Variants in SLC10A7 observed in about 807,000 individuals in gnomAD.
SLC10A7 encodes the protein solute carrier family 10 member 7, also known as sodium/bile acid cotransporter 7.
A neutral mutation model predicts 43.2 loss-of-function variants in SLC10A7; 29 were observed. The ratio of observed to expected loss-of-function variants is 0.67; its 90% confidence interval spans 0.50 to 0.92. SLC10A7 has a LOEUF of 0.92. Among genes scored for constraint, SLC10A7 ranks in the 40% least tolerant of loss-of-function variants. The probability of loss-of-function intolerance (pLI) is 0.00; values close to 1 mark genes in which losing one functional copy is unlikely to be tolerated. For missense variants in SLC10A7, 295 were observed against 403.2 expected, an observed-to-expected ratio of 0.73 and a Z score of 2.30; for synonymous variants, 152 against 144.8, an observed-to-expected ratio of 1.05 and a Z score of -0.35.
chr4:146,361,962 A>G (rs1736075345), intron 5 of SLC10A7, among the ~76,000 whole-genome samples: 1 of 152,194 alleles, frequency 6.6e-6, no homozygotes, highest in Non-Finnish European at 1.5e-5. Flanking sequence ...AAAATGTATC[A>G]GTCTCTCAAC....
At chr4:146,514,639 C>T (rs1291867564) in intron 2 of SLC10A7, 1 of 152,872 alleles carries the variant, frequency 6.5e-6, no homozygotes, top group Non-Finnish European at 1.5e-5. Flanking sequence ...ATGGGACCAA[C>T]ACAAATGCTT....
rs551107962 is a variant in SLC10A7 at position 146,495,511 on chromosome 4, C to G, written c.396+8338G>C. On this transcript the variant is annotated intron_variant, in intron 4 of 11. Coordinates refer to ENST00000335472, the MANE Select transcript of SLC10A7 (RefSeq NM_001029998.6). The stretch of plus-strand genomic sequence containing the variant: ...ACTCATGAGTCAGAAATTGAACTTA[C>G]AGTCTCCATTTGGACTGTGATGATC... Among the ~76,000 whole-genome samples, 5 of 152,308 alleles carry G rather than the reference C, an allele frequency of 3.3e-5. No individual in the cohort carries two copies. In the South Asian group the frequency reaches 1.0e-3, roughly 32 times the overall value.
At chr4:146,316,344 C>T (rs1425909136) in intron 6 of SLC10A7, among the ~76,000 whole-genome samples, 1 of 151,386 alleles carries the variant, frequency 6.6e-6, no homozygotes, top group Non-Finnish European at 1.5e-5. Context: ...TCCAAACCCC[C>T]TGGGTGCTGG....
intron 2 of SLC10A7, among the ~76,000 whole-genome samples, chr4:146,510,825 G>C (rs1161259674): frequency 6.6e-6 from 1 of 152,046 alleles, no homozygotes; most frequent in East Asian, 1.9e-4. Context: ...TCCTCAATTT[G>C]GCAAGATGTT....
chr4:146,437,135 T>G (rs1433744956), intron 5 of SLC10A7, among the ~76,000 whole-genome samples: 1 of 152,068 alleles, frequency 6.6e-6, no homozygotes, highest in African/African-American at 2.4e-5. Context: ...GGACTCTGAG[T>G]ATATGTGTGT....
intron 10 of SLC10A7, among the ~76,000 whole-genome samples, chr4:146,279,740 A>G (rs1268609108): frequency 6.6e-6 from 1 of 152,172 alleles, no homozygotes; most frequent in Non-Finnish European, 1.5e-5. Flanking sequence ...AGGGAATGGC[A>G]TCATGTCAGG....
chr4:146,379,951 CTCTCTCTCTGTGTGTG>C (rs1039848670), intron 5 of SLC10A7, among the ~76,000 whole-genome samples: 8 of 150,796 alleles, frequency 5.3e-5, no homozygotes, highest in African/African-American at 2.0e-4. Context: ...CTCTCTCTCT[CTCTCTCTCTGTGTGTG>C]TGTGTGTGTG....
intron 4 of SLC10A7, among the ~76,000 whole-genome samples, chr4:146,502,372 A>G (rs1736500993): frequency 6.6e-6 from 1 of 152,222 alleles, no homozygotes; most frequent in Admixed American, 6.5e-5. Flanking sequence ...AAACATACAC[A>G]TGTAGTAAAA....
At position 146,270,578 on chromosome 4, in the gene SLC10A7, G is replaced by C. The variant is rs78410485; in HGVS notation, c.848-11741C>G. 1.2e-4 allele frequency among the ~76,000 whole-genome samples: 19 copies of C among 152,316 alleles called. No individual in the cohort carries two copies. In the East Asian group the frequency reaches 3.7e-3, roughly 29 times the overall value. On this transcript the variant is annotated intron_variant, in intron 10 of 11. Coordinates refer to ENST00000335472, the MANE Select transcript of SLC10A7 (RefSeq NM_001029998.6). The stretch of plus-strand genomic sequence containing the variant: ...CTGACAGATTGAGTTAACAGGTGTT[G>C]GGCAGGGTCCTGACATCACTAGTAC...
chr4:146,291,907 A>G (rs138814365), intron 9 of SLC10A7, among the ~76,000 whole-genome samples: 236 of 152,334 alleles, frequency 1.5e-3, no homozygotes, highest in African/African-American at 5.5e-3. Context: ...TTCCCATGGT[A>G]ACTTTCTCTA....
chr4:146,447,597 C>A (rs9308201), intron 4 of SLC10A7, among the ~76,000 whole-genome samples: 80,694 of 151,684 alleles, frequency 0.53, 22,012 homozygotes, highest in East Asian at 0.64. Flanking sequence ...ATTATTAACT[C>A]ATAAAATCCC....
At chr4:146,304,391 C>G (rs1176743129) in intron 7 of SLC10A7, among the ~76,000 whole-genome samples, 2 of 151,884 alleles carry the variant, frequency 1.3e-5, no homozygotes, top group African/African-American at 2.4e-5. Context: ...GTTGTTGGTG[C>G]TATAAATTTC....
intron 11 of SLC10A7, 42 bp from the exon 12 acceptor site, chr4:146,256,562 T>C (rs2110961389): frequency 6.2e-7 from 1 of 1,607,580 alleles, no homozygotes; most frequent in South Asian, 1.1e-5. Flanking sequence ...ACAGTATCCA[T>C]GAGGAAAGTG....
chr4:146,506,498 GC>G (rs1365887747), intron 3 of SLC10A7, among the ~76,000 whole-genome samples: 1 of 152,136 alleles, frequency 6.6e-6, no homozygotes, highest in African/African-American at 2.4e-5. Context: ...AAGAGTGCCT[GC>G]CTCCATGGCC....
chr4:146,432,772 G>A (rs1729873729), intron 5 of SLC10A7, among the ~76,000 whole-genome samples: 1 of 152,146 alleles, frequency 6.6e-6, no homozygotes, highest in Non-Finnish European at 1.5e-5. Context: ...GGCCGCGGTG[G>A]CTCATGCCTG....
At chr4:146,422,981 A>G (rs1729065352) in intron 5 of SLC10A7, among the ~76,000 whole-genome samples, 1 of 152,108 alleles carries the variant, frequency 6.6e-6, no homozygotes, top group Non-Finnish European at 1.5e-5. Flanking sequence ...TATTCCTCCC[A>G]GCAGCTACAT....
intron 4 of SLC10A7, among the ~76,000 whole-genome samples, chr4:146,445,783 G>A (rs903514893): frequency 2.0e-5 from 3 of 152,080 alleles, no homozygotes; most frequent in Non-Finnish European, 4.4e-5. Context: ...AAAATCTTCC[G>A]CGGGAGTCTG....
At chr4:146,513,338 T>C (rs1287327795) in intron 2 of SLC10A7, among the ~76,000 whole-genome samples, 2 of 152,126 alleles carry the variant, frequency 1.3e-5, no homozygotes, top group African/African-American at 2.4e-5. Flanking sequence ...TGTATGTGTA[T>C]AGATCTGCAA....
intron 6 of SLC10A7, among the ~76,000 whole-genome samples, chr4:146,317,233 A>G (rs1732389656): frequency 6.6e-6 from 1 of 152,116 alleles, no homozygotes; most frequent in African/African-American, 2.4e-5. Context: ...TTTTGGACAG[A>G]TGCATCCATT....
Sources: allele counts gnomAD v4.1 joint callset (sites outside exome capture counted in the v4.1 genomes callset), GRCh38; gene constraint gnomAD v4.1.1; transcripts MANE v1.5; gene names NCBI Gene and HGNC (gene_info 2026-07-23, HGNC 2026-07-21).